Variants in FUT8 observed in about 807,000 individuals in gnomAD.
FUT8 encodes the protein fucosyltransferase 8.
In FUT8, 29 loss-of-function variants were observed where a neutral mutation model predicts 71.3. That is an observed-to-expected ratio of 0.41 (90% confidence interval 0.30 to 0.55). FUT8 has a LOEUF of 0.55. FUT8 is among the 20% of genes least tolerant of loss of function. The probability of loss-of-function intolerance (pLI) is 0.34; values close to 1 mark genes in which losing one functional copy is unlikely to be tolerated. For missense variants in FUT8, 544 were observed against 702.1 expected (o/e 0.77, Z 2.55); for synonymous variants, 254 against 239.3 (o/e 1.06, Z -0.57).
intron 2 of FUT8, among the ~76,000 whole-genome samples, chr14:65,525,599 G>C (rs1239460817): frequency 3.3e-5 from 5 of 152,110 alleles, no homozygotes; most frequent in African/African-American, 4.8e-5. Flanking sequence ...CTTGCCTTCT[G>C]CTAGCTTTTG....
chr14:65,676,821 G>A (rs80136866), intron 7 of FUT8, among the ~76,000 whole-genome samples: 1 of 152,126 alleles, frequency 6.6e-6, no homozygotes, highest in African/African-American at 2.4e-5. Flanking sequence ...TCACGTTAGA[G>A]TGATTCTACA....
intron 2 of FUT8, among the ~76,000 whole-genome samples, chr14:65,465,077 C>G (rs531962225): frequency 6.6e-6 from 1 of 152,096 alleles, no homozygotes; most frequent in South Asian, 2.1e-4. Flanking sequence ...AGGGATTGGT[C>G]CATTTCACCT....
chr14:65,567,148 T>A (rs1487442528), intron 3 of FUT8, among the ~76,000 whole-genome samples: 1 of 152,026 alleles, frequency 6.6e-6, no homozygotes, highest in African/African-American at 2.4e-5. Flanking sequence ...AATGTGGCTT[T>A]TGGCCTTTTG....
At chr14:65,585,713 T>C (rs1389035431) in intron 3 of FUT8, among the ~76,000 whole-genome samples, 1 of 152,168 alleles carries the variant, frequency 6.6e-6, no homozygotes, top group African/African-American at 2.4e-5. Flanking sequence ...ACAGTGAAGA[T>C]TGGAAATTGG....
chr14:65,695,345 G>C (rs1283979314), intron 7 of FUT8, among the ~76,000 whole-genome samples: 1 of 152,056 alleles, frequency 6.6e-6, no homozygotes, highest in Non-Finnish European at 1.5e-5. Flanking sequence ...TCAGTTGTTA[G>C]GTGCATTATA....
intron 2 of FUT8, among the ~76,000 whole-genome samples, chr14:65,516,749 A>G (rs966316131): frequency 1.3e-5 from 2 of 152,062 alleles, no homozygotes; most frequent in African/African-American, 4.8e-5. Flanking sequence ...AAATGTACAT[A>G]ACACAATTCA....
chr14:65,615,866 A>G (rs1345060995), intron 3 of FUT8, 112 bp from the exon 4 acceptor site: 8 of 708,650 alleles, frequency 1.1e-5, no homozygotes, highest in South Asian at 3.9e-5. Flanking sequence ...CTTTTGTGCT[A>G]TATGGTTCAA....
intron 2 of FUT8, among the ~76,000 whole-genome samples, chr14:65,549,428 A>G (rs998526964): frequency 7.2e-5 from 11 of 151,878 alleles, no homozygotes; most frequent in African/African-American, 1.5e-4. Flanking sequence ...TTACCCCCCA[A>G]TCTTGTGGCT....
chr14:65,609,507 G>A (rs1888765802), intron 3 of FUT8, among the ~76,000 whole-genome samples: 1 of 151,806 alleles, frequency 6.6e-6, no homozygotes, highest in Non-Finnish European at 1.5e-5. Flanking sequence ...TGTGAAAACT[G>A]TCTGCTAAAT....
At chr14:65,456,156 C>G (rs983241945) in intron 2 of FUT8, among the ~76,000 whole-genome samples, 2 of 152,138 alleles carry the variant, frequency 1.3e-5, no homozygotes, top group African/African-American at 4.8e-5. Flanking sequence ...AGTGTTCATT[C>G]TATTAATTTT....
intron 2 of FUT8, among the ~76,000 whole-genome samples, chr14:65,509,954 G>T (rs1882223595): frequency 6.6e-6 from 1 of 152,040 alleles, no homozygotes; most frequent in Non-Finnish European, 1.5e-5. Flanking sequence ...GCTCTAGCTA[G>T]GACTCCCAGT....
chr14:65,688,243 A>T (rs1002350884), intron 7 of FUT8, among the ~76,000 whole-genome samples: 4 of 152,082 alleles, frequency 2.6e-5, no homozygotes, highest in African/African-American at 9.7e-5. Context: ...CCACTTATTT[A>T]TCCCTCCCCA....
At chr14:65,631,790 T>C (rs1303835326) in intron 6 of FUT8, among the ~76,000 whole-genome samples, 1 of 152,164 alleles carries the variant, frequency 6.6e-6, no homozygotes, top group Non-Finnish European at 1.5e-5. Flanking sequence ...GATTTCTGTG[T>C]GCCCATCACC....
chr14:65,718,755 G>A (rs1004893472), intron 7 of FUT8, among the ~76,000 whole-genome samples: 1 of 151,958 alleles, frequency 6.6e-6, no homozygotes, highest in Non-Finnish European at 1.5e-5. Flanking sequence ...TAGGGTAAAA[G>A]TTTTTTTTCC....
intron 2 of FUT8, among the ~76,000 whole-genome samples, chr14:65,499,157 C>G (rs891560975): frequency 2.6e-5 from 4 of 152,180 alleles, no homozygotes; most frequent in Non-Finnish European, 5.9e-5. Context: ...TCAAGTGATT[C>G]TCCTGCCTCA....
chr14:65,435,572 A>G (rs1040696834), intron 1 of FUT8, among the ~76,000 whole-genome samples: 1 of 152,238 alleles, frequency 6.6e-6, no homozygotes, highest in Non-Finnish European at 1.5e-5. Context: ...ATAGACATTC[A>G]TGTATAGCTT....
At chr14:65,551,335 T>C (rs1885272006) in intron 2 of FUT8, among the ~76,000 whole-genome samples, 1 of 152,222 alleles carries the variant, frequency 6.6e-6, no homozygotes, top group East Asian at 1.9e-4. Context: ...GGTACTGCAT[T>C]TTTTGTTATG....
intron 3 of FUT8, among the ~76,000 whole-genome samples, chr14:65,609,365 A>G (rs1204949661): frequency 1.3e-5 from 2 of 151,724 alleles, no homozygotes; most frequent in Non-Finnish European, 2.9e-5. Flanking sequence ...GTCTTTCTAA[A>G]AGAAGAGCTT....
At chr14:65,404,516 G>A in the FUT8 span, among the ~76,000 whole-genome samples, 6 of 142,076 alleles carry the variant, frequency 4.2e-5, no homozygotes, top group African/African-American at 7.9e-5. Context: ...TTGCTCTGTC[G>A]CCAGGCTGGA....
Sources: allele counts gnomAD v4.1 joint callset (sites outside exome capture counted in the v4.1 genomes callset), GRCh38; gene constraint gnomAD v4.1.1; transcripts MANE v1.5; gene names NCBI Gene and HGNC (gene_info 2026-07-23, HGNC 2026-07-21).